Variants in FAM219A observed in about 807,000 individuals in gnomAD.
FAM219A encodes protein FAM219A.
A neutral mutation model predicts 23.4 loss-of-function variants in FAM219A; 7 were observed. That is an observed-to-expected ratio of 0.30 (90% CI 0.17 to 0.56). The LOEUF (loss-of-function observed/expected upper bound fraction) is 0.56. Among genes scored for constraint, FAM219A ranks in the 20% least tolerant of loss-of-function variants. The pLI, the probability that FAM219A is intolerant of heterozygous loss-of-function variation, is 0.92. For missense variants in FAM219A, 166 were observed against 246.9 expected (o/e 0.67, Z 2.20); for synonymous variants, 93 against 99.0 (o/e 0.94, Z 0.36).
intron 1 of FAM219A, among the ~76,000 whole-genome samples, chr9:34,411,461 G>A (rs969149576): frequency 6.6e-6 from 1 of 151,542 alleles, no homozygotes; most frequent in Non-Finnish European, 1.5e-5. Flanking sequence ...AGGCCAAAGC[G>A]GGTGGATCAC....
rs1465084432 is a variant in FAM219A, at chr9:34,442,027, G to A, written c.60+16177C>T. Among the ~76,000 whole-genome samples the A allele has an allele frequency of 5.9e-5, 9 of 152,158 alleles. No homozygotes were observed. The East Asian group carries it at 1.7e-3, about 29-fold the overall frequency. ...CCACTATGCCTAGCCAACTTTTATA[G>A]TGGAGAGATCAGGCTAACTACACCA... On this transcript the variant is annotated intron_variant, in intron 1 of 5. Transcript: ENST00000651358.
At chr9:34,428,395 C>G (rs1383605317) in intron 1 of FAM219A, among the ~76,000 whole-genome samples, 2 of 152,214 alleles carry the variant, frequency 1.3e-5, no homozygotes, top group Admixed American at 1.3e-4. Context: ...CAGGTTGTTT[C>G]ACTTTCTGAG....
At chr9:34,420,973 CGTGTGT>C (rs533243353) in intron 1 of FAM219A, among the ~76,000 whole-genome samples, 3,082 of 133,276 alleles carry the variant, frequency 0.023, 136 homozygotes, top group African/African-American at 0.088. Context: ...GAGTGAAACT[CGTGTGT>C]GTGTGTGTGT....
intron 1 of FAM219A, among the ~76,000 whole-genome samples, chr9:34,406,165 G>A (rs1453925125): frequency 6.6e-6 from 1 of 152,164 alleles, no homozygotes; most frequent in East Asian, 1.9e-4. Flanking sequence ...AAGAACCAAG[G>A]ATCTGGGTTC....
In FAM219A at chr9:34,402,473, T is replaced by C; in HGVS notation, c.264-6A>G. On this transcript the variant is annotated splice_region_variant and splice_polypyrimidine_tract_variant and intron_variant, in intron 3 of 5. Transcript: ENST00000651358. ...CTTTATTGGGGACGACCAGCCTAGGTGAAGAATTTCGGGAGTTAGAGTGGC... is the reference window on the plus strand; with the variant it reads ...CTTTATTGGGGACGACCAGCCTAGGCGAAGAATTTCGGGAGTTAGAGTGGC... The C allele has an allele frequency of 6.2e-7, 1 of 1,614,062 alleles. No homozygotes were observed. Among genetic ancestry groups the C allele is most frequent in the Non-Finnish European group, 8.5e-7 (1 of 1,179,986 alleles).
chr9:34,440,893 A>C (rs1309115745), intron 1 of FAM219A, among the ~76,000 whole-genome samples: 1 of 151,824 alleles, frequency 6.6e-6, no homozygotes, highest in Non-Finnish European at 1.5e-5. Context: ...TTATCTTACT[A>C]TGTTGCCCAG....
intron 1 of FAM219A, 96 bp from the exon 2 acceptor site, chr9:34,406,060 G>A (rs1821626319): frequency 8.1e-7 from 1 of 1,239,210 alleles, no homozygotes; most frequent in Admixed American, 2.3e-5. Flanking sequence ...TGCCCTCTGG[G>A]CTTCTGTGAG....
In FAM219A at chr9:34,398,284, C is replaced by T. The variant is rs923641791; in HGVS notation, c.*2680G>A. On this transcript the variant is annotated 3_prime_UTR_variant, in exon 6 of 6. Coordinates refer to ENST00000651358, the MANE Select transcript of FAM219A (RefSeq NM_001184940.2). ...TGAAAATGTTAAAAAAAATATTATA[C>T]ACGGCTCATGTCTTCCACACACCTT... is the stretch of plus-strand genomic sequence containing the variant. The T allele has an allele frequency of 2.2e-5, 34 of 1,550,620 alleles. No homozygotes were observed. The highest frequency in any genetic ancestry group is 2.4e-5 in the Non-Finnish European group (27 of 1,146,972).
Position 34,411,540 on chromosome 9 carries a change from G to A in FAM219A, c.61-5576C>T, listed in dbSNP as rs902747112. On this transcript the variant is annotated intron_variant, in intron 1 of 5. Transcript: ENST00000651358. ...AAAATACAAAAACTTAGCCAGGCAC[G>A]GTGGTGGGCGCCTGTAGTCCTAGCT... Among the ~76,000 whole-genome samples, 4 of 152,072 alleles carry A rather than the reference G, an allele frequency of 2.6e-5. No homozygotes were observed. In the South Asian group the frequency reaches 6.2e-4, roughly 24 times the overall value.
chr9:34,456,043 A>G (rs183448172), intron 1 of FAM219A, among the ~76,000 whole-genome samples: 79 of 152,258 alleles, frequency 5.2e-4, no homozygotes, highest in Non-Finnish European at 1.0e-3. Flanking sequence ...AAATACAAAA[A>G]TTAGCCATGC....
intron 2 of FAM219A, among the ~76,000 whole-genome samples, chr9:34,404,709 A>AAACAACAAC (rs3036359): frequency 4.0e-5 from 6 of 150,896 alleles, no homozygotes; most frequent in Non-Finnish European, 1.5e-5. Context: ...CTCTGTCTCA[A>AAACAACAAC]AACAACAACA....
intron 1 of FAM219A, among the ~76,000 whole-genome samples, chr9:34,410,279 T>G (rs1347625932): frequency 6.6e-6 from 1 of 152,148 alleles, no homozygotes; most frequent in African/African-American, 2.4e-5. Context: ...GTTGGAGCTG[T>G]GGGTAGTGCA....
intron 1 of FAM219A, among the ~76,000 whole-genome samples, chr9:34,412,764 T>C (rs1253616872): frequency 6.6e-6 from 1 of 152,128 alleles, no homozygotes; most frequent in East Asian, 1.9e-4. Context: ...AATAAGCAGG[T>C]GGGTCCATAA....
chr9:34,401,961 C>T (rs1821453954), intron 4 of FAM219A, among the ~76,000 whole-genome samples: 1 of 144,626 alleles, frequency 6.9e-6, no homozygotes, highest in Admixed American at 7.0e-5. Context: ...CTCCTTTCAC[C>T]CCCTTCTCAT....
rs1256259125 is a variant in FAM219A, at chr9:34,426,669, T to C, written c.61-20705A>G. Among the ~76,000 whole-genome samples, 3 of 152,288 alleles carry C rather than the reference T, an allele frequency of 2.0e-5. No homozygotes were observed. In the South Asian group the frequency reaches 6.2e-4, roughly 32 times the overall value. On this transcript the variant is annotated intron_variant, in intron 1 of 5. Transcript: ENST00000651358. ...TTAAAATCTGCCTCAGGAGGGATGG[T>C]GGTGGTGTGGAATTCCCAGCAGAAC...
chr9:34,416,273 G>GGAAGGAAGGAAGGAA (rs1822021123), intron 1 of FAM219A, among the ~76,000 whole-genome samples: 26 of 114,086 alleles, frequency 2.3e-4, no homozygotes, highest in Non-Finnish European at 4.1e-4. Flanking sequence ...GAGGGAGGGA[G>GGAAGGAAGGAAGGAA]GGAAGGAAGG....
At chr9:34,455,872 T>G (rs1823711802) in intron 1 of FAM219A, among the ~76,000 whole-genome samples, 1 of 152,148 alleles carries the variant, frequency 6.6e-6, no homozygotes, top group African/African-American at 2.4e-5. Flanking sequence ...TATTGCTATT[T>G]CCATAAGGCT....
chr9:34,429,447 CT>C (rs1347496756), intron 1 of FAM219A, among the ~76,000 whole-genome samples: 2 of 152,174 alleles, frequency 1.3e-5, no homozygotes, highest in Non-Finnish European at 2.9e-5. Flanking sequence ...AAAGTGAGAG[CT>C]GCTCTGATTC....
chr9:34,439,552 C>T (rs897515907), intron 1 of FAM219A, among the ~76,000 whole-genome samples: 15 of 152,192 alleles, frequency 9.9e-5, no homozygotes, highest in Admixed American at 8.5e-4. Context: ...AGACTACTGA[C>T]CAAGTCTAGG....
Sources: gnomAD v4.1 joint callset for allele counts (sites outside exome capture counted in the v4.1 genomes callset) on GRCh38, gnomAD v4.1.1 for gene constraint, MANE v1.5 for transcripts, NCBI Gene and HGNC (gene_info 2026-07-23, HGNC 2026-07-21) for gene names.